GPHN: variants seen among roughly 807,000 people sequenced by gnomAD.
GPHN encodes the protein gephyrin.
In GPHN, 17 loss-of-function variants were observed where a neutral mutation model predicts 95.5. The ratio of observed to expected loss-of-function variants is 0.18; its 90% CI spans 0.12 to 0.27. The LOEUF (loss-of-function observed/expected upper bound fraction) is 0.27, where lower values mean the gene tolerates loss of function less well. GPHN is among the 10% of genes least tolerant of loss of function. The probability of loss-of-function intolerance (pLI) is 1.00; values close to 1 mark genes in which losing one functional copy is unlikely to be tolerated. For synonymous variants in GPHN, 320 were observed against 322.5 expected, an observed-to-expected ratio of 0.99 and a Z score of 0.08; for missense variants, 660 against 978.1, an observed-to-expected ratio of 0.67 and a Z score of 4.34.
chr14:67,301,838 T>C, the GPHN span: 4 of 1,040,216 alleles, frequency 3.8e-6, no homozygotes, highest in East Asian at 1.1e-4. Context: ...TTAACACATC[T>C]TTATTATTAG....
At chr14:66,545,986 G>C (rs188777869) in intron 1 of GPHN, among the ~76,000 whole-genome samples, 8 of 147,826 alleles carry the variant, frequency 5.4e-5, no homozygotes, top group African/African-American at 1.8e-4. Context: ...GGGCGGCTTC[G>C]GGGGGGAGGG....
chr14:66,822,460 A>G (rs777021794), intron 3 of GPHN, among the ~76,000 whole-genome samples: 60 of 152,372 alleles, frequency 3.9e-4, no homozygotes, highest in Non-Finnish European at 7.8e-4. Context: ...AGCTCCGCAG[A>G]TAATTCCATT....
At chr14:67,279,069 T>C in the GPHN span, 1 of 1,210,220 alleles carries the variant, frequency 8.3e-7, no homozygotes, top group South Asian at 2.0e-5. Context: ...GTGAGAAGTT[T>C]TTTTTTTTGA....
chr14:66,839,892 C>T (rs1160390718), intron 4 of GPHN, among the ~76,000 whole-genome samples: 1 of 152,180 alleles, frequency 6.6e-6, no homozygotes, highest in Middle Eastern at 3.4e-3. Context: ...CTTTGTCCTT[C>T]GAGATGGCGC....
chr14:66,534,666 A>T (rs1052249222), intron 1 of GPHN, among the ~76,000 whole-genome samples: 11 of 152,144 alleles, frequency 7.2e-5, no homozygotes, highest in Non-Finnish European at 1.5e-4. Flanking sequence ...CCCACCAGCA[A>T]TGTAGGAGGG....
intron 5 of GPHN, among the ~76,000 whole-genome samples, chr14:66,882,060 T>C: frequency 6.6e-6 from 1 of 152,002 alleles, no homozygotes; most frequent in East Asian, 1.9e-4. Context: ...TTAGATTGGT[T>C]CTTCCTTTCT....
At chr14:66,844,331 C>T (rs1281675587) in intron 4 of GPHN, among the ~76,000 whole-genome samples, 2 of 152,094 alleles carry the variant, frequency 1.3e-5, no homozygotes, top group Admixed American at 6.6e-5. Flanking sequence ...ATAACATTAT[C>T]TGCACTGTAA....
the GPHN span, among the ~76,000 whole-genome samples, chr14:67,290,450 T>G: frequency 6.6e-6 from 1 of 152,206 alleles, no homozygotes; most frequent in African/African-American, 2.4e-5. Flanking sequence ...TTGCCCAGGC[T>G]AGAGTGCAGT....
At chr14:67,295,110 T>TGTGTGTGCGTGTGC in the GPHN span, 1 of 150,114 alleles carries the variant, frequency 6.7e-6, no homozygotes, top group East Asian at 1.9e-4. Flanking sequence ...TTGAAGTGTG[T>TGTGTGTGCGTGTGC]GTGTGTGTGT....
At chr14:66,607,025 C>T (rs1256816791) in intron 1 of GPHN, among the ~76,000 whole-genome samples, 1 of 152,068 alleles carries the variant, frequency 6.6e-6, no homozygotes, top group Non-Finnish European at 1.5e-5. Flanking sequence ...TTCTAGTTCT[C>T]AAGGAGAATG....
the GPHN span, among the ~76,000 whole-genome samples, chr14:67,213,928 T>C: frequency 6.6e-6 from 1 of 152,234 alleles, no homozygotes; most frequent in Non-Finnish European, 1.5e-5. Flanking sequence ...ATGGTGAGCA[T>C]TTTTTCATGT....
chr14:66,518,448 A>G (rs981694161), intron 1 of GPHN, among the ~76,000 whole-genome samples: 1 of 152,170 alleles, frequency 6.6e-6, no homozygotes, highest in African/African-American at 2.4e-5. Context: ...AAAGGACTAC[A>G]GATAGAACTA....
At chr14:67,678,815 T>C in the GPHN span, among the ~76,000 whole-genome samples, 3 of 151,790 alleles carry the variant, frequency 2.0e-5, no homozygotes, top group Admixed American at 6.6e-5. Context: ...GCTATTCACA[T>C]TGGTCAGAGA....
At chr14:67,404,927 G>C in the GPHN span, among the ~76,000 whole-genome samples, 3 of 151,994 alleles carry the variant, frequency 2.0e-5, no homozygotes, top group South Asian at 6.2e-4. Flanking sequence ...AGGAGTAAGA[G>C]TGGATACAGA....
intron 21 of GPHN, among the ~76,000 whole-genome samples, chr14:67,173,410 A>G (rs780189659): frequency 1.4e-4 from 21 of 152,106 alleles, no homozygotes; most frequent in Non-Finnish European, 3.1e-4. Context: ...CACTTCCACA[A>G]ACTTCTGTGG....
intron 5 of GPHN, among the ~76,000 whole-genome samples, chr14:66,882,600 T>TA (rs1223878363): frequency 2.0e-5 from 3 of 151,756 alleles, no homozygotes; most frequent in Non-Finnish European, 4.4e-5. Flanking sequence ...ATCTATATAA[T>TA]AAAGATGTTA....
At chr14:66,907,848 A>G (rs1183001723) in intron 5 of GPHN, among the ~76,000 whole-genome samples, 4 of 152,060 alleles carry the variant, frequency 2.6e-5, no homozygotes, top group Non-Finnish European at 4.4e-5. Context: ...GATGGCAGGT[A>G]GTGAGACAGG....
At chr14:67,125,571 G>A (rs181030855) in intron 17 of GPHN, among the ~76,000 whole-genome samples, 2 of 152,320 alleles carry the variant, frequency 1.3e-5, no homozygotes, top group Non-Finnish European at 2.9e-5. Flanking sequence ...GAGATCAAGA[G>A]CTGGAGACCA....
rs1555452281 is a variant in GPHN at position 66,961,947 on chromosome 14, T to TATATATAC, written c.829-3243_829-3242insTATATACA. The stretch of plus-strand genomic sequence containing the variant: ...ATATATATATATATATATATATATA[T>TATATATAC]ACACATATCTCCCAGAAATTTACTC... On this transcript the variant is annotated intron_variant, in intron 8 of 22. Transcript: ENST00000478722. Among the ~76,000 whole-genome samples the TATATATAC allele has an allele frequency of 1.5e-3, 113 of 75,064 alleles. 4 individuals carry two copies. The highest frequency in any genetic ancestry group is 3.9e-3 in the South Asian group (8 of 2,044). The allele number at this position is 75,064 out of a possible 152,430, so 49.2% of individuals were successfully genotyped here.
Sources: allele counts gnomAD v4.1 joint callset (sites outside exome capture counted in the v4.1 genomes callset), GRCh38; gene constraint gnomAD v4.1.1; transcripts MANE v1.5; gene names NCBI Gene and HGNC (gene_info 2026-07-23, HGNC 2026-07-21).